ULK3: variants seen among roughly 807,000 people sequenced by gnomAD.
ULK3 encodes the protein unc-51 like kinase 3, also known as serine/threonine-protein kinase ULK3.
Under a neutral mutation model 69.4 loss-of-function variants are expected in ULK3, and 54 were observed. The ratio of observed to expected loss-of-function variants is 0.78; its 90% CI spans 0.63 to 0.98. The LOEUF (loss-of-function observed/expected upper bound fraction) is 0.98, where lower values mean the gene tolerates loss of function less well. Among genes scored for constraint, ULK3 ranks in the 50% least tolerant of loss-of-function variants. The probability of loss-of-function intolerance (pLI) is 0.00; values close to 1 mark genes in which losing one functional copy is unlikely to be tolerated. For synonymous variants in ULK3, 240 were observed against 254.5 expected (o/e 0.94, Z 0.54); for missense variants, 558 against 627.7 (o/e 0.89, Z 1.19).
Position 74,837,261 on chromosome 15 carries a change from G to T in ULK3, c.1403-17C>A. 6.3e-7 allele frequency: 1 copy of T among 1,598,522 alleles called. No individual in the cohort carries two copies. The highest frequency in any genetic ancestry group is 2.2e-5 in the East Asian group (1 of 44,742). The stretch of plus-strand genomic sequence containing the variant: ...GGGTGCAAGCTACGGGGGTGAGGGG[G>T]ACAATGGGGGAGGGTCAGTCTCAGG... On this transcript the variant is annotated splice_polypyrimidine_tract_variant and intron_variant, in intron 15 of 15. Coordinates refer to ENST00000440863, the MANE Select transcript of ULK3 (RefSeq NM_001099436.4).
At position 74,839,358 on chromosome 15, in the gene ULK3, G is replaced by A. The variant is rs2064156010; in HGVS notation, c.868C>T (p.Gln290Ter). The change falls in exon 8 of 16, where the codon CAG becomes TAG. Residue 290 changes from glutamine (Q) to a stop codon, truncating the protein, a stop_gained. Transcript: ENST00000440863. LOFTEE classifies it high-confidence loss of function. ...CCCTCCTGGTCTTTCTTCACAGCCT[G>A]CACCACCAGGGCGGTCTGGGGATGG... ...SLGRATALVV[Q>*]AVKKDQEGDS... is the part of the protein sequence containing the mutation. 1 of 1,562,862 alleles carries A rather than the reference G, an allele frequency of 6.4e-7. No individual in the cohort carries two copies. The highest frequency in any genetic ancestry group is 8.7e-7 in the Non-Finnish European group (1 of 1,153,122).
chr15:74,840,655 G>A lies in ULK3; in HGVS notation c.470-14C>T, dbSNP rs201019781. The A allele has an allele frequency of 6.2e-5, 96 of 1,545,566 alleles. 1 individual carries two copies. The African/African-American group carries it at 1.2e-3, about 19-fold the overall frequency. On this transcript the variant is annotated splice_polypyrimidine_tract_variant and intron_variant, in intron 4 of 15. Coordinates refer to ENST00000440863, the MANE Select transcript of ULK3 (RefSeq NM_001099436.4). Reference sequence around the variant, plus strand: ...CGAAACCAAAGTCTGCAGGCAAGAGGAGAGGCAGCAGGGCTTGAATTCCAG... The same window carrying A: ...CGAAACCAAAGTCTGCAGGCAAGAGAAGAGGCAGCAGGGCTTGAATTCCAG...
At position 74,839,275 on chromosome 15, in the gene ULK3, G is replaced by A. The variant is rs1246718444; in HGVS notation, c.951C>T (p.Ala317=). The change falls in exon 8 of 16, where the codon GCC becomes GCT. Residue 317 remains alanine, a synonymous_variant. Transcript: ENST00000440863. ...GCATGGCCTGGGACTCACAGTGCAG[G>A]GCAGGTACAAAGAAGTCCAGAGCCT... The part of the protein sequence containing the change: ...YCKALDFFVP[A]LHYEVDAQRK... The A allele has an allele frequency of 1.3e-6, 2 of 1,557,358 alleles. No individual in the cohort carries two copies. The highest frequency in any genetic ancestry group is 1.2e-5 in the South Asian group (1 of 84,394).
Position 74,840,244 on chromosome 15 carries a change from C to T in ULK3, c.686G>A (p.Arg229Gln), listed in dbSNP as rs1292327761. The T allele has an allele frequency of 3.1e-6, 5 of 1,609,434 alleles. No individual in the cohort carries two copies. The highest frequency in any genetic ancestry group is 2.2e-5 in the East Asian group (1 of 44,700). The change falls in exon 6 of 16, where the codon CGG (arginine) becomes CAG (glutamine). Residue 229 changes from arginine (R) to glutamine (Q), a missense_variant. By Grantham distance (43) the Arg-to-Gln change is conservative. Transcript: ENST00000440863. ...CCCTGCTAGACACACCTCGATGACC[C>T]GGTTGCTACGGATCTTCTCTTCCAG... is the stretch of plus-strand genomic sequence containing the variant. ...SELEEKIRSN[R>Q]VIELPLRPLL...
intron 8 of ULK3, 82 bp from the exon 9 acceptor site, chr15:74,839,132 C>A (rs1224286562): frequency 6.5e-7 from 1 of 1,546,854 alleles, no homozygotes; most frequent in East Asian, 2.4e-5. Context: ...CCTCAAAACA[C>A]AATATTCCAG....
chr15:74,841,730 C>T (rs1162237655), intron 3 of ULK3, among the ~76,000 whole-genome samples: 1 of 152,204 alleles, frequency 6.6e-6, no homozygotes, highest in African/African-American at 2.4e-5. Context: ...CAAGTCTCCC[C>T]ACCTCTCAGA....
chr15:74,837,953 A>G, intron 13 of ULK3, 155 bp from the exon 14 acceptor site: 1 of 1,183,168 alleles, frequency 8.5e-7, no homozygotes. Context: ...TCCTCCAGGA[A>G]GCCTTCCCAG....
At position 74,837,179 on chromosome 15, in the gene ULK3, T is replaced by C; in HGVS notation, c.*49A>G. 6.6e-7 allele frequency: 1 copy of C among 1,520,976 alleles called. No homozygotes were observed. The highest frequency in any genetic ancestry group is 2.3e-5 in the East Asian group (1 of 44,046). 94.2% of individuals were successfully genotyped at this position (1,520,976 alleles called of 1,614,324 possible). A position where few individuals can be genotyped will look rare whatever the true frequency, so the allele number is the denominator to read the frequency against. On this transcript the variant is annotated 3_prime_UTR_variant, in exon 16 of 16. Coordinates refer to ENST00000440863, the MANE Select transcript of ULK3 (RefSeq NM_001099436.4). ...CATTCTTGGCGTCAGCCTGGGTTAG[T>C]GCCCCTCTGCTCCAGATGGCTCACA... is the stretch of plus-strand genomic sequence containing the variant.
rs1286988448 is a variant in ULK3, at chr15:74,842,609, G to A, written c.103-189C>T. ...GAGGAATGCTGATTCTGGAATCCTG[G>A]CTTCCCGACACAGCCTCAGCCTGGT... On this transcript the variant is annotated intron_variant, in intron 1 of 15. Coordinates refer to ENST00000440863, the MANE Select transcript of ULK3 (RefSeq NM_001099436.4). The surrounding 1 kb of genome is among the most constrained non-coding windows in gnomAD (Gnocchi z 4.9). 2 of 1,545,650 alleles carry A rather than the reference G, an allele frequency of 1.3e-6. No individual in the cohort carries two copies. The highest frequency in any genetic ancestry group is 1.7e-6 in the Non-Finnish European group (2 of 1,152,836).
intron 11 of ULK3, 36 bp from the exon 12 acceptor site, chr15:74,838,380 TG>T (rs754797520): frequency 6.4e-7 from 1 of 1,562,556 alleles, no homozygotes; most frequent in South Asian, 1.2e-5. Flanking sequence ...CTTAGGGTCA[TG>T]GCCTGGGTAT....
rs754778238 is a variant in ULK3 at position 74,837,201 on chromosome 15, C to G, written c.*27G>C. On this transcript the variant is annotated 3_prime_UTR_variant, in exon 16 of 16. Transcript: ENST00000440863. Reference sequence around the variant, plus strand: ...TAGTGCCCCTCTGCTCCAGATGGCTCACATCTGTCCAATCATTCTTCTAGG... The same window carrying G: ...TAGTGCCCCTCTGCTCCAGATGGCTGACATCTGTCCAATCATTCTTCTAGG... The G allele has an allele frequency of 3.2e-6, 5 of 1,540,178 alleles. No individual in the cohort carries two copies. Among genetic ancestry groups the G allele is most frequent in the Non-Finnish European group, 3.5e-6 (4 of 1,142,022 alleles).
intron 7 of ULK3, 48 bp downstream of exon 7, chr15:74,839,510 G>A (rs764210832): frequency 1.0e-5 from 16 of 1,542,346 alleles, no homozygotes; most frequent in Admixed American, 5.9e-5. Context: ...GGGGCAAGGA[G>A]ACCTCCAGCC....
Position 74,842,687 on chromosome 15 carries a change from C to T in ULK3, c.103-267G>A. ...ATTTCTTTGCATTCTGGAGTGCTCC[C>T]GGCAGAGGCATGTCACTCAGGGTTC... On this transcript the variant is annotated intron_variant, in intron 1 of 15. Transcript: ENST00000440863. The surrounding 1 kb of genome is among the most constrained non-coding windows in gnomAD (Gnocchi z 4.9). The T allele has an allele frequency of 6.5e-7, 1 of 1,534,402 alleles. No homozygotes were observed.
In ULK3 at chr15:74,842,510, C is replaced by G. The variant is rs546929643; in HGVS notation, c.103-90G>C. 44 of 1,603,820 alleles carry G rather than the reference C, an allele frequency of 2.7e-5. No homozygotes were observed. Among genetic ancestry groups the G allele is most frequent in the Non-Finnish European group, 3.7e-5 (44 of 1,179,640 alleles). ...GCTCTATCTGGTTCCCTCTGTTCCC[C>G]CACCCCGCCCCTCCCCGGGTCTACC... is the stretch of plus-strand genomic sequence containing the variant. On this transcript the variant is annotated intron_variant, in intron 1 of 15. Transcript: ENST00000440863. The surrounding 1 kb of genome is among the most constrained non-coding windows in gnomAD (Gnocchi z 4.9).
At position 74,842,055 on chromosome 15, in the gene ULK3, C is replaced by A. The variant is rs2064271935; in HGVS notation, c.364+20G>T. 6.2e-7 allele frequency: 1 copy of A among 1,613,236 alleles called. No homozygotes were observed. The highest frequency in any genetic ancestry group is 1.7e-5 in the Admixed American group (1 of 60,000). On this transcript the variant is annotated intron_variant, in intron 3 of 15. Coordinates refer to ENST00000440863, the MANE Select transcript of ULK3 (RefSeq NM_001099436.4). This position sits in a 1 kb window ranked among gnomAD's most constrained non-coding sequence, Gnocchi z 4.9. Reference sequence around the variant, plus strand: ...AGAGAACAAGGGACAGAGTGTCAGGCTGGTGTCACAGGCCTTTACCTAATT... The same window carrying A: ...AGAGAACAAGGGACAGAGTGTCAGGATGGTGTCACAGGCCTTTACCTAATT...
At position 74,841,935 on chromosome 15, in the gene ULK3, G is replaced by A. The variant is rs955158194; in HGVS notation, c.364+140C>T. On this transcript the variant is annotated intron_variant, in intron 3 of 15. Transcript: ENST00000440863. ...CCTTGAGCAAGGGTTGAGTGTATGA[G>A]ATAAACAGGACCATAAAATTTCAGG... 7.8e-6 allele frequency: 11 copies of A among 1,413,546 alleles called. No individual in the cohort carries two copies. The African/African-American group carries it at 1.6e-4, about 20-fold the overall frequency. 87.6% of individuals were successfully genotyped at this position (1,413,546 alleles called of 1,614,324 possible).
Position 74,843,096 on chromosome 15 carries a change from G to A in ULK3, c.10C>T (p.Pro4Ser), listed in dbSNP as rs1435549339. 8 of 1,332,996 alleles carry A rather than the reference G, an allele frequency of 6.0e-6. No individual in the cohort carries two copies. The highest frequency in any genetic ancestry group is 2.2e-5 in the South Asian group (1 of 45,334). The allele number at this position is 1,332,996 out of a possible 1,614,324, so 82.6% of individuals were successfully genotyped here. Residue 4 changes from proline to serine, a missense_variant, in exon 1 of 16, where the codon CCC becomes TCC. Pro to Ser is a moderately conservative substitution (Grantham distance 74). Transcript: ENST00000440863. MAG[P>S]GWGPPRLDGF... ...TCCAGGCGCGGGGGACCCCAGCCGG[G>A]CCCCGCCATTCCGGCCGCCTGCGCC...
chr15:74,837,223 T>C lies in ULK3; in HGVS notation c.*5A>G. On this transcript the variant is annotated 3_prime_UTR_variant, in exon 16 of 16. Transcript: ENST00000440863. ...GCTCACATCTGTCCAATCATTCTTCTAGGGTCACTGAAGGGTGCAAGCTAC... is the reference window on the plus strand; with the variant it reads ...GCTCACATCTGTCCAATCATTCTTCCAGGGTCACTGAAGGGTGCAAGCTAC... 6.4e-7 allele frequency: 1 copy of C among 1,561,820 alleles called. No individual in the cohort carries two copies. The highest frequency in any genetic ancestry group is 2.3e-5 in the East Asian group (1 of 44,414).
Position 74,839,946 on chromosome 15 carries a change from G to T in ULK3, c.697-233C>A, listed in dbSNP as rs147512826. ...GAGCTGAGCTAGAATCGTGTTTCTGGGTCCTTATTTCCCTCCCTGGACTAT... is the reference window on the plus strand; with the variant it reads ...GAGCTGAGCTAGAATCGTGTTTCTGTGTCCTTATTTCCCTCCCTGGACTAT... On this transcript the variant is annotated intron_variant, in intron 6 of 15. Transcript: ENST00000440863. Among the ~76,000 whole-genome samples, 254 of 152,222 alleles carry T rather than the reference G, an allele frequency of 1.7e-3. 2 individuals carry two copies. Among genetic ancestry groups the T allele is most frequent in the African/African-American group, 5.8e-3 (242 of 41,530 alleles).
Sources: gnomAD v4.1 joint callset for allele counts (sites outside exome capture counted in the v4.1 genomes callset) on GRCh38, gnomAD v4.1.1 for gene constraint, Gnocchi (gnomAD v3.1) non-coding constraint, MANE v1.5 for transcripts, NCBI Gene and HGNC (gene_info 2026-07-23, HGNC 2026-07-21) for gene names.